The following MAML2 variants were observed in gnomAD, a reference collection of about 807,000 sequenced individuals.
The protein encoded by MAML2 is mastermind like transcriptional coactivator 2, also known as mastermind-like protein 2.
In MAML2, 22 loss-of-function variants were observed where a neutral mutation model predicts 96.1. The ratio of observed to expected loss-of-function variants is 0.23; its 90% CI spans 0.16 to 0.33. The LOEUF (loss-of-function observed/expected upper bound fraction) is 0.33, where lower values mean the gene tolerates loss of function less well. MAML2 is among the 10% of genes least tolerant of loss of function. The probability of loss-of-function intolerance (pLI) is 1.00; values close to 1 mark genes in which losing one functional copy is unlikely to be tolerated. For missense variants in MAML2, 1,367 were observed against 1,392.4 expected (o/e 0.98, Z 0.29); for synonymous variants, 561 against 521.3 (o/e 1.08, Z -1.04).
chr11:96,324,572 G>T (rs1010301251), intron 1 of MAML2, among the ~76,000 whole-genome samples: 12 of 152,176 alleles, frequency 7.9e-5, no homozygotes, highest in African/African-American at 2.9e-4. Context: ...TGTAGGCCAT[G>T]GAAATACAAA....
At chr11:96,277,469 G>T (rs1185990934) in intron 1 of MAML2, among the ~76,000 whole-genome samples, 1 of 152,104 alleles carries the variant, frequency 6.6e-6, no homozygotes, top group Non-Finnish European at 1.5e-5. Context: ...AGAACTTACT[G>T]TCCAGGCGCG....
At chr11:96,125,810 C>T (rs11021446) in intron 1 of MAML2, among the ~76,000 whole-genome samples, 18,825 of 152,086 alleles carry the variant, frequency 0.12, 1,248 homozygotes, top group Middle Eastern at 0.22. Flanking sequence ...GCATTAGACC[C>T]AGCAATAATA....
At chr11:96,166,471 A>C (rs1054614040) in intron 1 of MAML2, among the ~76,000 whole-genome samples, 4 of 152,140 alleles carry the variant, frequency 2.6e-5, no homozygotes, top group Non-Finnish European at 4.4e-5. Context: ...GTGCAGACTG[A>C]TAGACGTTCC....
chr11:96,167,975 C>G (rs186685255), intron 1 of MAML2, among the ~76,000 whole-genome samples: 7 of 152,292 alleles, frequency 4.6e-5, no homozygotes, highest in Admixed American at 4.6e-4. Context: ...CCTGCTGAGA[C>G]TGTGAGCTCC....
Position 96,043,408 on chromosome 11 carries a change from A to C in MAML2, c.2139+48484T>G, listed in dbSNP as rs117916109. ...TAAAGAAGCCTTATAAAAGTTCTCA[A>C]ATGGAAATGAGAAAAAAACTCTGCC... On this transcript the variant is annotated intron_variant, in intron 2 of 4. Coordinates refer to ENST00000524717, the MANE Select transcript of MAML2 (RefSeq NM_032427.4). Among the ~76,000 whole-genome samples the C allele has an allele frequency of 5.3e-3, 807 of 152,332 alleles. 4 individuals carry two copies. The highest frequency in any genetic ancestry group is 8.3e-3 in the Non-Finnish European group (563 of 68,026).
At chr11:96,098,567 G>A (rs772384770) in intron 1 of MAML2, among the ~76,000 whole-genome samples, 16 of 152,238 alleles carry the variant, frequency 1.1e-4, no homozygotes, top group Non-Finnish European at 2.2e-4. Flanking sequence ...AGTCCAGTCT[G>A]GTTTGCAGAT....
chr11:96,092,678 CTGCTGCATCCGGGCA>C lies in MAML2; in HGVS notation c.1338_1352del (p.His446_Gln450del). 6.2e-7 allele frequency: 1 copy of C among 1,614,004 alleles called. No individual in the cohort carries two copies. Among genetic ancestry groups the C allele is most frequent in the Non-Finnish European group, 8.5e-7 (1 of 1,179,898 alleles). ...TGGTAGGCTGGTGCTGCTGCTGGTG[CTGCTGCATCCGGGCA>C]TGCTGCTGACGATTAGCAGCTATCT... is the stretch of plus-strand genomic sequence containing the variant. On this transcript the variant is annotated inframe_deletion, in exon 2 of 5. Transcript: ENST00000524717. The surrounding 1 kb of genome is among the most constrained non-coding windows in gnomAD (Gnocchi z 4.1).
At chr11:96,028,543 CTG>C (rs1371646151) in intron 2 of MAML2, among the ~76,000 whole-genome samples, 1 of 152,194 alleles carries the variant, frequency 6.6e-6, no homozygotes, top group Non-Finnish European at 1.5e-5. Flanking sequence ...AAGCCTATGA[CTG>C]TCTTTTCACT....
intron 1 of MAML2, among the ~76,000 whole-genome samples, chr11:96,164,017 C>T (rs533957076): frequency 1.1e-4 from 17 of 151,836 alleles, no homozygotes; most frequent in Admixed American, 2.0e-4. Flanking sequence ...TACCCATCCA[C>T]GCCTGGCTAT....
At chr11:96,177,593 G>T (rs1207804721) in intron 1 of MAML2, among the ~76,000 whole-genome samples, 1 of 152,110 alleles carries the variant, frequency 6.6e-6, no homozygotes, top group Non-Finnish European at 1.5e-5. Flanking sequence ...GTCTTCCCCA[G>T]GCCATAAAAT....
chr11:96,058,303 T>TTTGTTTGC (rs1487806389), intron 2 of MAML2, among the ~76,000 whole-genome samples: 3 of 151,900 alleles, frequency 2.0e-5, no homozygotes, highest in Non-Finnish European at 4.4e-5. Flanking sequence ...TTTTTGTTTG[T>TTTGTTTGC]TTGTTTGTTT....
intron 3 of MAML2, among the ~76,000 whole-genome samples, chr11:95,990,536 G>A (rs1857892956): frequency 6.6e-6 from 1 of 152,166 alleles, no homozygotes; most frequent in African/African-American, 2.4e-5. Flanking sequence ...AGTTACCAGA[G>A]TATGGCATTT....
intron 1 of MAML2, among the ~76,000 whole-genome samples, chr11:96,094,285 A>G (rs1859788261): frequency 6.6e-6 from 1 of 152,208 alleles, no homozygotes; most frequent in Non-Finnish European, 1.5e-5. Flanking sequence ...TAGGCTCTGG[A>G]AGCAGACAAA....
intron 2 of MAML2, among the ~76,000 whole-genome samples, chr11:96,023,228 C>T (rs544796852): frequency 6.6e-6 from 1 of 152,284 alleles, no homozygotes; most frequent in East Asian, 1.9e-4. Context: ...ACACTGCGTC[C>T]CTTCCTGATT....
At chr11:96,258,151 A>AC (rs1281828958) in intron 1 of MAML2, among the ~76,000 whole-genome samples, 1 of 152,216 alleles carries the variant, frequency 6.6e-6, no homozygotes, top group Admixed American at 6.5e-5. Flanking sequence ...TTTAACAACA[A>AC]CCATGGAGGA....
chr11:96,232,422 G>A (rs1385206415), intron 1 of MAML2, among the ~76,000 whole-genome samples: 1 of 152,150 alleles, frequency 6.6e-6, no homozygotes, highest in Non-Finnish European at 1.5e-5. Context: ...TGTTAAGAGG[G>A]AACTTGATGT....
intron 2 of MAML2, among the ~76,000 whole-genome samples, chr11:96,037,491 T>C (rs1373688076): frequency 6.6e-6 from 1 of 152,194 alleles, no homozygotes; most frequent in East Asian, 1.9e-4. Context: ...TACTGAAGCA[T>C]GCATTCACCA....
chr11:96,113,849 A>G (rs939313738), intron 1 of MAML2, among the ~76,000 whole-genome samples: 1 of 152,148 alleles, frequency 6.6e-6, no homozygotes, highest in South Asian at 2.1e-4. Context: ...AGGCGGTTGT[A>G]TAAGTTTAAG....
chr11:96,021,611 G>T (rs1396460671), intron 2 of MAML2, among the ~76,000 whole-genome samples: 1 of 152,206 alleles, frequency 6.6e-6, no homozygotes, highest in Non-Finnish European at 1.5e-5. Context: ...GCCACTTGAG[G>T]ACTCGCTTTT....
Sources: gnomAD v4.1 joint callset for allele counts (sites outside exome capture counted in the v4.1 genomes callset) on GRCh38, gnomAD v4.1.1 for gene constraint, Gnocchi (gnomAD v3.1) non-coding constraint, MANE v1.5 for transcripts, NCBI Gene and HGNC (gene_info 2026-07-23, HGNC 2026-07-21) for gene names.